Variants in PCDHA7 observed in about 807,000 individuals in gnomAD.
PCDHA7 encodes the protein protocadherin alpha-7.
PCDHA7 carries 37 observed loss-of-function variants against 57.2 expected under a neutral mutation model. That is an observed-to-expected ratio of 0.65 (90% CI 0.50 to 0.85). The LOEUF is 0.85. Ranked by LOEUF, PCDHA7 falls within the 40% of genes least tolerant of loss-of-function variation. PCDHA7 has a pLI of 0.00. For synonymous variants in PCDHA7, 553 were observed against 558.8 expected (o/e 0.99, Z 0.15); for missense variants, 1,188 against 1,241.8 (o/e 0.96, Z 0.65).
At chr5:140,860,165 G>T (rs1045558132) in intron 1 of PCDHA7, 2 of 147,750 alleles carry the variant, frequency 1.4e-5, no homozygotes, top group Admixed American at 1.4e-4. Flanking sequence ...ATATATATAT[G>T]TATATATATA....
chr5:140,842,246 G>C (rs1289361551), intron 1 of PCDHA7: 13 of 1,611,852 alleles, frequency 8.1e-6, no homozygotes, highest in Non-Finnish European at 1.1e-5. Flanking sequence ...GGGTAATTTG[G>C]ATTTTGAACA....
At chr5:140,905,197 T>A (rs2071673542) in intron 1 of PCDHA7, among the ~76,000 whole-genome samples, 1 of 152,220 alleles carries the variant, frequency 6.6e-6, no homozygotes. Flanking sequence ...TTGATCCATC[T>A]TGAGTTGATT....
chr5:140,926,881 C>G, intron 1 of PCDHA7: 1 of 1,541,960 alleles, frequency 6.5e-7, no homozygotes, highest in Non-Finnish European at 8.8e-7. Context: ...AACGTGGACG[C>G]CTAGAGGGAG....
At chr5:140,857,462 C>T (rs782280236) in intron 1 of PCDHA7, 2 of 1,598,496 alleles carry the variant, frequency 1.3e-6, no homozygotes. Context: ...GCCAGGCTGC[C>T]ACATCTTCAC....
chr5:140,871,499 G>T, intron 1 of PCDHA7: 1 of 1,584,436 alleles, frequency 6.3e-7, no homozygotes, highest in Admixed American at 1.8e-5. Flanking sequence ...GGACAGGTGA[G>T]TTTTCTACAG....
At chr5:141,006,073 T>G (rs2098254106) in intron 3 of PCDHA7, among the ~76,000 whole-genome samples, 1 of 151,712 alleles carries the variant, frequency 6.6e-6, no homozygotes, top group Non-Finnish European at 1.5e-5. Context: ...AAAAATCAGA[T>G]TATTGAAGGG....
intron 1 of PCDHA7, among the ~76,000 whole-genome samples, chr5:140,885,441 A>G (rs568228687): frequency 6.6e-6 from 1 of 152,232 alleles, no homozygotes; most frequent in African/African-American, 2.4e-5. Context: ...GTGTGCAATT[A>G]TATATTATTT....
At chr5:140,844,621 A>C (rs1357757740) in intron 1 of PCDHA7, among the ~76,000 whole-genome samples, 5 of 149,558 alleles carry the variant, frequency 3.3e-5, no homozygotes, top group African/African-American at 9.8e-5. Context: ...TGTTTTCATC[A>C]GAAAAACTAT....
At chr5:140,883,395 A>G (rs892476136) in intron 1 of PCDHA7, 2 of 1,614,048 alleles carry the variant, frequency 1.2e-6, no homozygotes, top group African/African-American at 1.3e-5. Context: ...AGTGTGTCCG[A>G]TCGTGACTCT....
chr5:140,946,648 C>A (rs1195536248), intron 1 of PCDHA7, among the ~76,000 whole-genome samples: 2 of 99,274 alleles, frequency 2.0e-5, no homozygotes, highest in African/African-American at 1.2e-4. Flanking sequence ...GAATACTCAT[C>A]AGCCATTAGA....
chr5:140,885,592 G>A (rs1428219345), intron 1 of PCDHA7, among the ~76,000 whole-genome samples: 1 of 152,102 alleles, frequency 6.6e-6, no homozygotes, highest in Non-Finnish European at 1.5e-5. Context: ...ATGCATCAAA[G>A]ATATTAATAA....
At chr5:140,857,216 C>T in intron 1 of PCDHA7, 1 of 1,598,490 alleles carries the variant, frequency 6.3e-7, no homozygotes, top group Non-Finnish European at 8.6e-7. Flanking sequence ...CTCTCTGACG[C>T]CTCACGTTCC....
chr5:140,922,527 C>T (rs1436336713), intron 1 of PCDHA7, among the ~76,000 whole-genome samples: 2 of 152,130 alleles, frequency 1.3e-5, no homozygotes, highest in East Asian at 3.9e-4. Flanking sequence ...AAGATTGAAC[C>T]TAAGGATGTG....
intron 1 of PCDHA7, chr5:140,863,127 C>A: frequency 1.7e-6 from 1 of 597,490 alleles, no homozygotes; most frequent in Non-Finnish European, 3.3e-6. Context: ...CTACGCGCCA[C>A]CGCCTGCTGG....
chr5:140,907,066 G>A (rs748785005), intron 1 of PCDHA7, among the ~76,000 whole-genome samples: 6 of 152,096 alleles, frequency 3.9e-5, no homozygotes, highest in Non-Finnish European at 8.8e-5. Context: ...TTTACTAGTG[G>A]GTCACTAGGG....
At chr5:141,006,119 T>C (rs1327328997) in intron 3 of PCDHA7, among the ~76,000 whole-genome samples, 14 of 152,070 alleles carry the variant, frequency 9.2e-5, no homozygotes, top group South Asian at 4.2e-4. Context: ...TTTTTTTTTT[T>C]CTCAAGGCAG....
At chr5:140,884,078 A>C (rs2059981897) in intron 1 of PCDHA7, 5 of 1,613,512 alleles carry the variant, frequency 3.1e-6, no homozygotes, top group Non-Finnish European at 4.2e-6. Flanking sequence ...TTCGGGCTAC[A>C]ATGCGTGGCT....
chr5:140,876,478 G>A (rs782344970), intron 1 of PCDHA7: 1 of 1,614,032 alleles, frequency 6.2e-7, no homozygotes. Flanking sequence ...TCACAGCATG[G>A]TCCTGGTGGA....
intron 1 of PCDHA7, among the ~76,000 whole-genome samples, chr5:140,937,865 T>C (rs1056873213): frequency 2.0e-5 from 3 of 149,988 alleles, no homozygotes; most frequent in Non-Finnish European, 2.9e-5. Context: ...TGAGCCGAGA[T>C]CGCGCCACTG....
Sources: allele counts gnomAD v4.1 joint callset (sites outside exome capture counted in the v4.1 genomes callset), GRCh38; gene constraint gnomAD v4.1.1; transcripts MANE v1.5; gene names NCBI Gene and HGNC (gene_info 2026-07-23, HGNC 2026-07-21).